Variants in PPP1R1C observed in about 807,000 individuals in gnomAD.
PPP1R1C encodes protein phosphatase 1 regulatory inhibitor subunit 1C.
In PPP1R1C, 15 loss-of-function variants were observed where a neutral mutation model predicts 17.4. The observed-to-expected ratio is 0.86, with a 90% CI of 0.58 to 1.33. The LOEUF (loss-of-function observed/expected upper bound fraction) is 1.33, where lower values mean the gene tolerates loss of function less well. PPP1R1C is among the 40% of genes most tolerant of loss of function. PPP1R1C has a pLI of 0.00. For missense variants in PPP1R1C, 143 were observed against 130.0 expected, an observed-to-expected ratio of 1.10 and a Z score of -0.48; for synonymous variants, 35 against 43.1, an observed-to-expected ratio of 0.81 and a Z score of 0.73.
At chr2:181,991,189 TTC>T (rs1199754670) in intron 2 of PPP1R1C, among the ~76,000 whole-genome samples, 1 of 152,126 alleles carries the variant, frequency 6.6e-6, no homozygotes, top group Non-Finnish European at 1.5e-5. Flanking sequence ...ATTATATATA[TTC>T]TGTTTATATT....
At chr2:181,991,148 A>G (rs1053202010) in intron 2 of PPP1R1C, among the ~76,000 whole-genome samples, 4 of 152,078 alleles carry the variant, frequency 2.6e-5, no homozygotes, top group African/African-American at 9.7e-5. Flanking sequence ...GTTTGCAGGA[A>G]GAGTAAATTA....
intron 2 of PPP1R1C, among the ~76,000 whole-genome samples, chr2:182,052,172 A>G (rs537510456): frequency 3.3e-5 from 5 of 152,300 alleles, no homozygotes; most frequent in Non-Finnish European, 7.4e-5. Flanking sequence ...ATAAAAACTT[A>G]GCTTTTAGTT....
At chr2:182,104,117 G>A (rs1317542239) in intron 4 of PPP1R1C, among the ~76,000 whole-genome samples, 2 of 152,106 alleles carry the variant, frequency 1.3e-5, no homozygotes, top group Non-Finnish European at 2.9e-5. Context: ...TAAAATTTGA[G>A]GATCAATTAT....
chr2:182,100,051 T>C (rs1338103536), intron 4 of PPP1R1C, among the ~76,000 whole-genome samples: 2 of 152,250 alleles, frequency 1.3e-5, no homozygotes, highest in Non-Finnish European at 2.9e-5. Flanking sequence ...TGTTTAGACG[T>C]AACTTGAAAG....
rs530391288 is a variant in PPP1R1C at position 181,965,045 on chromosome 2, T to C, written n.112-10174T>C. ...AGTTTAGTATGCATATCTCTGATGA[T>C]CAATGATGTTGAGTGCCTTTTCATA... On this transcript the variant is annotated intron_variant and non_coding_transcript_variant, in intron 1 of 5. Coordinates refer to the PPP1R1C transcript ENST00000464264. 3.9e-5 allele frequency among the ~76,000 whole-genome samples: 6 copies of C among 152,336 alleles called. 1 individual carries two copies. The highest frequency in any genetic ancestry group is 1.2e-4 in the African/African-American group (5 of 41,570).
intron 4 of PPP1R1C, among the ~76,000 whole-genome samples, chr2:182,084,141 G>A (rs1235400512): frequency 2.0e-5 from 3 of 151,470 alleles, no homozygotes; most frequent in Non-Finnish European, 4.4e-5. Flanking sequence ...TTATTTGTTT[G>A]AATTTCTTGC....
At chr2:182,053,309 C>T (rs1559073297) in intron 2 of PPP1R1C, among the ~76,000 whole-genome samples, 3 of 151,846 alleles carry the variant, frequency 2.0e-5, no homozygotes, top group African/African-American at 4.8e-5. Flanking sequence ...TCACTTTGAG[C>T]GAATAGTTGA....
chr2:182,110,858 T>G (rs1291492988), intron 4 of PPP1R1C, among the ~76,000 whole-genome samples: 1 of 152,138 alleles, frequency 6.6e-6, no homozygotes, highest in Non-Finnish European at 1.5e-5. Flanking sequence ...CTCCATTATG[T>G]GTAGGCTTAA....
intron 2 of PPP1R1C, among the ~76,000 whole-genome samples, chr2:182,003,082 A>G (rs533479202): frequency 9.9e-5 from 15 of 152,196 alleles, no homozygotes; most frequent in Non-Finnish European, 1.9e-4. Flanking sequence ...CTATCAACAT[A>G]TAGGGGAAAT....
At chr2:182,098,946 G>A (rs1422630379) in intron 4 of PPP1R1C, among the ~76,000 whole-genome samples, 1 of 152,146 alleles carries the variant, frequency 6.6e-6, no homozygotes, top group East Asian at 1.9e-4. Flanking sequence ...TTCTTCTCAG[G>A]TATGAGAAAG....
chr2:182,107,479 A>G (rs1407366890), intron 4 of PPP1R1C, among the ~76,000 whole-genome samples: 1 of 152,222 alleles, frequency 6.6e-6, no homozygotes, highest in Admixed American at 6.5e-5. Flanking sequence ...AAACACTTTT[A>G]AAAATACAAA....
intron 5 of PPP1R1C, among the ~76,000 whole-genome samples, chr2:182,127,423 C>T (rs6744499): frequency 0.28 from 42,082 of 151,882 alleles, 6,778 homozygotes; most frequent in African/African-American, 0.43. Context: ...CAGCAAACAA[C>T]GGTGTAGAGA....
intron 2 of PPP1R1C, among the ~76,000 whole-genome samples, chr2:182,014,242 T>C (rs558856251): frequency 4.6e-5 from 7 of 152,224 alleles, no homozygotes; most frequent in Non-Finnish European, 1.0e-4. Flanking sequence ...ACTGTAGCTG[T>C]ATCTGCATTA....
chr2:182,122,335 C>T (rs554757509), downstream of PPP1R1C, among the ~76,000 whole-genome samples: 23 of 151,820 alleles, frequency 1.5e-4, no homozygotes, highest in African/African-American at 4.1e-4. Context: ...AGGAAAAATC[C>T]TTTTTTTTAT....
chr2:182,117,208 G>A lies in PPP1R1C; in HGVS notation c.243G>A (p.Gly81=), dbSNP rs1281793522. ...TTTGCATAATTTTTATAATTTCAGG[G>A]GTTAAGCATCTGAAAGGCCAGAATG... ...QSVYTPPTIK[G]VKHLKGQNES... The change falls in exon 5 of 5, where the codon GGG becomes GGA. Residue 81 remains glycine (G), a splice_region_variant and synonymous_variant. Coordinates refer to ENST00000682840, the MANE Select transcript of PPP1R1C (RefSeq NM_001080545.3). 1 of 1,540,680 alleles carries A rather than the reference G, an allele frequency of 6.5e-7. No homozygotes were observed. Among genetic ancestry groups the A allele is most frequent in the East Asian group, 2.4e-5 (1 of 41,048 alleles).
intron 2 of PPP1R1C, among the ~76,000 whole-genome samples, chr2:182,047,467 A>G (rs1252044374): frequency 6.6e-6 from 1 of 152,178 alleles, no homozygotes; most frequent in Non-Finnish European, 1.5e-5. Context: ...TACTCAAAAG[A>G]AGATACACTT....
chr2:182,022,131 A>G (rs906418955), intron 2 of PPP1R1C, among the ~76,000 whole-genome samples: 6 of 152,154 alleles, frequency 3.9e-5, no homozygotes, highest in Non-Finnish European at 7.3e-5. Context: ...AACTTGTGCT[A>G]TTGTTTAAAT....
At chr2:182,079,552 G>T (rs1412605288) in intron 4 of PPP1R1C, among the ~76,000 whole-genome samples, 1 of 152,200 alleles carries the variant, frequency 6.6e-6, no homozygotes, top group Non-Finnish European at 1.5e-5. Flanking sequence ...GAGAGAGTGG[G>T]TTGGATGCCT....
At chr2:181,972,505 A>C (rs995145895) in intron 1 of PPP1R1C, among the ~76,000 whole-genome samples, 21 of 151,968 alleles carry the variant, frequency 1.4e-4, no homozygotes, top group Admixed American at 9.8e-4. Context: ...CAAAAAAAAA[A>C]CACAATACAT....
Sources: gnomAD v4.1 joint callset for allele counts (sites outside exome capture counted in the v4.1 genomes callset) on GRCh38, gnomAD v4.1.1 for gene constraint, MANE v1.5 for transcripts, NCBI Gene and HGNC (gene_info 2026-07-23, HGNC 2026-07-21) for gene names.